Variants in SETD2 observed in about 807,000 individuals in gnomAD.
SETD2 encodes the protein SET domain containing 2, histone lysine methyltransferase.
SETD2 carries 31 observed loss-of-function variants against 242.1 expected under a neutral mutation model. The ratio of observed to expected loss-of-function variants is 0.13; its 90% CI spans 0.10 to 0.17. The LOEUF (loss-of-function observed/expected upper bound fraction) is 0.17, where lower values mean the gene tolerates loss of function less well. SETD2 is among the 10% of genes least tolerant of loss of function. The pLI is 1.00. For synonymous variants in SETD2, 1,006 were observed against 1,066.5 expected (o/e 0.94, Z 1.11); for missense variants, 2,481 against 3,046.3 (o/e 0.81, Z 4.37).
intron 1 of SETD2, among the ~76,000 whole-genome samples, chr3:47,142,617 T>C (rs1268985723): frequency 6.6e-6 from 1 of 151,500 alleles, no homozygotes; most frequent in Non-Finnish European, 1.5e-5. Flanking sequence ...AAATTTAGTA[T>C]GCTACTTCGT....
chr3:47,066,125 G>C (rs2040546634), intron 13 of SETD2, among the ~76,000 whole-genome samples: 1 of 152,078 alleles, frequency 6.6e-6, no homozygotes, highest in Admixed American at 6.5e-5. Flanking sequence ...AGACCTCTAT[G>C]ATGATCTATT....
chr3:47,052,508 T>C (rs956176228), intron 15 of SETD2, among the ~76,000 whole-genome samples: 1 of 152,088 alleles, frequency 6.6e-6, no homozygotes, highest in Non-Finnish European at 1.5e-5. Context: ...GCCCACTCAT[T>C]CAAATGACTT....
At chr3:47,024,457 G>A (rs2038378568) in intron 18 of SETD2, among the ~76,000 whole-genome samples, 1 of 152,294 alleles carries the variant, frequency 6.6e-6, no homozygotes, top group East Asian at 1.9e-4. Context: ...GGGCGACAGA[G>A]TGAGACTCCG....
intron 1 of SETD2, chr3:47,157,566 T>C (rs182294707): frequency 3.1e-5 from 14 of 455,926 alleles, no homozygotes; most frequent in Non-Finnish European, 4.9e-5. Flanking sequence ...ACTTGTTCCA[T>C]TCAATACTAA....
rs2040370277 is a variant in SETD2 at position 47,062,336 on chromosome 3, T to C, written c.6120A>G (p.Arg2040=). The change falls in exon 14 of 21, where the codon CGA becomes CGG. Residue 2040 remains arginine, a synonymous_variant. Transcript: ENST00000409792. ...CTCTGAAGCCAACAGCATCCCTTCC[T>C]CGTTCAGTTGCTAAGGGAAAAGGGT... The part of the protein sequence containing the change: ...QTEKENTTTE[R]GRDAVGFRDQ... The C allele has an allele frequency of 6.3e-7, 1 of 1,599,648 alleles. No homozygotes were observed. The highest frequency in any genetic ancestry group is 8.5e-7 in the Non-Finnish European group (1 of 1,175,228).
chr3:47,126,303 T>C (rs909177006), intron 2 of SETD2, among the ~76,000 whole-genome samples: 8 of 152,258 alleles, frequency 5.3e-5, no homozygotes, highest in African/African-American at 1.7e-4. Flanking sequence ...ATTACAGGCA[T>C]GAGCCAAATA....
chr3:47,155,059 G>T (rs535291884), intron 1 of SETD2, among the ~76,000 whole-genome samples: 4 of 151,640 alleles, frequency 2.6e-5, no homozygotes, highest in African/African-American at 9.7e-5. Context: ...CACATTCATG[G>T]TTAGTACATA....
At chr3:47,146,587 A>T (rs2043860576) in intron 1 of SETD2, among the ~76,000 whole-genome samples, 1 of 150,946 alleles carries the variant, frequency 6.6e-6, no homozygotes, top group African/African-American at 2.4e-5. Flanking sequence ...AGGTCATGCC[A>T]CTACTCTCCA....
chr3:47,098,737 A>G (rs1469400229), intron 8 of SETD2, among the ~76,000 whole-genome samples: 1 of 152,142 alleles, frequency 6.6e-6, no homozygotes, highest in Non-Finnish European at 1.5e-5. Flanking sequence ...CAGAGGTTGC[A>G]GTGAGCCGAG....
chr3:47,095,755 G>T (rs1482739336), intron 9 of SETD2, among the ~76,000 whole-genome samples: 1 of 125,272 alleles, frequency 8.0e-6, no homozygotes, highest in African/African-American at 3.0e-5. Flanking sequence ...GTTACATGAT[G>T]AAAAAAAAAA....
chr3:47,060,746 C>G (rs930921825), intron 14 of SETD2, among the ~76,000 whole-genome samples: 1 of 151,946 alleles, frequency 6.6e-6, no homozygotes, highest in African/African-American at 2.4e-5. Context: ...ATGACACATT[C>G]AGCTAAACCA....
intron 1 of SETD2, among the ~76,000 whole-genome samples, chr3:47,150,345 T>C (rs1442241715): frequency 6.6e-6 from 1 of 152,010 alleles, no homozygotes; most frequent in Non-Finnish European, 1.5e-5. Flanking sequence ...GCCTCAAAAA[T>C]ATCGTTTGAT....
At chr3:47,075,875 A>G (rs2041051723) in intron 12 of SETD2, among the ~76,000 whole-genome samples, 1 of 152,246 alleles carries the variant, frequency 6.6e-6, no homozygotes, top group Admixed American at 6.5e-5. Flanking sequence ...CAAATAAAAA[A>G]TATGTTCTAG....
chr3:47,080,592 C>A (rs1028384503), intron 12 of SETD2, among the ~76,000 whole-genome samples: 1 of 152,176 alleles, frequency 6.6e-6, no homozygotes, highest in East Asian at 1.9e-4. Flanking sequence ...TGATATGCAA[C>A]AATTTCTTCT....
Position 47,123,868 on chromosome 3 carries a change from C to T in SETD2, c.768G>A (p.Gln256=), listed in dbSNP as rs1454793446. 3.2e-6 allele frequency: 5 copies of T among 1,551,330 alleles called. No individual in the cohort carries two copies. The African/African-American group carries it at 6.8e-5, about 21-fold the overall frequency. The change falls in exon 3 of 21, where the codon CAG becomes CAA. Residue 256 remains glutamine (Q), a synonymous_variant. Transcript: ENST00000409792. The part of the protein sequence containing the change: ...VPESLEADTK[Q]DTISNSLEEH... The stretch of plus-strand genomic sequence containing the variant: ...CTTCTAAACTATTAGATATAGTGTC[C>T]TGCTTAGTATCTGCTTCTAAAGATT...
At chr3:47,042,790 T>C in intron 16 of SETD2, 90 bp from the exon 17 acceptor site, 1 of 1,128,246 alleles carries the variant, frequency 8.9e-7, no homozygotes, top group East Asian at 2.4e-5. Context: ...TATGTAAAAA[T>C]GTACATCTAC....
rs180943960 is a variant in SETD2, at chr3:47,054,762, A to C, written c.6963+2059T>G. ...CTATAAGCATGTTTAATGGAATGCT[A>C]TTTATAATTATGAAAAATAACTTTT... is the stretch of plus-strand genomic sequence containing the variant. On this transcript the variant is annotated intron_variant, in intron 15 of 20. Coordinates refer to ENST00000409792, the MANE Select transcript of SETD2 (RefSeq NM_014159.7). 2.2e-3 allele frequency among the ~76,000 whole-genome samples: 337 copies of C among 152,324 alleles called. 1 individual carries two copies. The highest frequency in any genetic ancestry group is 7.5e-3 in the African/African-American group (312 of 41,572).
intron 1 of SETD2, among the ~76,000 whole-genome samples, chr3:47,147,175 A>G (rs1208257550): frequency 1.3e-5 from 2 of 150,712 alleles, no homozygotes; most frequent in Non-Finnish European, 3.0e-5. Flanking sequence ...CACACCCGCT[A>G]ATTTTTTTTG....
chr3:47,087,062 T>G (rs1389829262), intron 10 of SETD2, among the ~76,000 whole-genome samples: 2 of 151,808 alleles, frequency 1.3e-5, no homozygotes, highest in African/African-American at 4.8e-5. Flanking sequence ...CATTTTGTGT[T>G]ATCTAACATC....
Sources: gnomAD v4.1 joint callset for allele counts (sites outside exome capture counted in the v4.1 genomes callset) on GRCh38, gnomAD v4.1.1 for gene constraint, MANE v1.5 for transcripts, NCBI Gene and HGNC (gene_info 2026-07-23, HGNC 2026-07-21) for gene names.